The following VTI1A variants were observed in gnomAD, a reference collection of about 807,000 sequenced individuals.
VTI1A encodes the protein vesicle transport through interaction with t-SNAREs homolog 1A.
In VTI1A, 22 loss-of-function variants were observed where a neutral mutation model predicts 34.9. The ratio of observed to expected loss-of-function variants is 0.63; its 90% CI spans 0.45 to 0.90. VTI1A has a LOEUF of 0.90. Among genes scored for constraint, VTI1A ranks in the 40% least tolerant of loss-of-function variants. The pLI is 0.00. For missense variants in VTI1A, 268 were observed against 275.6 expected, an observed-to-expected ratio of 0.97 and a Z score of 0.20; for synonymous variants, 87 against 97.3, an observed-to-expected ratio of 0.89 and a Z score of 0.62.
chr10:112,622,853 T>G (rs1417057550), intron 5 of VTI1A, among the ~76,000 whole-genome samples: 1 of 152,196 alleles, frequency 6.6e-6, no homozygotes, highest in Non-Finnish European at 1.5e-5. Flanking sequence ...GTTACTTAAG[T>G]TTTCAAAATT....
At chr10:112,753,255 A>ATATTATTAT (rs1851167663) in intron 7 of VTI1A, among the ~76,000 whole-genome samples, 1 of 151,080 alleles carries the variant, frequency 6.6e-6, no homozygotes, top group South Asian at 2.1e-4. Flanking sequence ...CAGCCAAGAA[A>ATATTATTAT]CTTTACTCTT....
At chr10:112,604,158 T>C (rs1035447344) in intron 5 of VTI1A, among the ~76,000 whole-genome samples, 3 of 152,216 alleles carry the variant, frequency 2.0e-5, no homozygotes, top group Non-Finnish European at 4.4e-5. Context: ...GTGGGTGCTC[T>C]GGAGCCACAC....
the VTI1A span, among the ~76,000 whole-genome samples, chr10:112,840,604 A>G: frequency 2.0e-5 from 3 of 152,084 alleles, no homozygotes; most frequent in Admixed American, 2.0e-4. Context: ...GTCCCTACCC[A>G]TTGAGACCCC....
chr10:112,852,307 C>A, the VTI1A span, among the ~76,000 whole-genome samples: 1 of 152,206 alleles, frequency 6.6e-6, no homozygotes, highest in African/African-American at 2.4e-5. Flanking sequence ...CTCCCCTTCC[C>A]CCACAAAACT....
At chr10:112,835,434 C>T in the VTI1A span, among the ~76,000 whole-genome samples, 54 of 152,300 alleles carry the variant, frequency 3.5e-4, no homozygotes, top group African/African-American at 1.1e-3. Context: ...TTAAGCCAGC[C>T]CTCTCCCCTG....
chr10:112,785,011 T>G (rs1458071512), intron 7 of VTI1A, among the ~76,000 whole-genome samples: 1 of 152,240 alleles, frequency 6.6e-6, no homozygotes. Flanking sequence ...AAACTCAAGA[T>G]GTAGGCAGAT....
At chr10:112,821,460 G>A (rs932910421), downstream of VTI1A, among the ~76,000 whole-genome samples, 3 of 152,210 alleles carry the variant, frequency 2.0e-5, no homozygotes, top group African/African-American at 7.2e-5. Flanking sequence ...GCCAGGGTAA[G>A]CACCTAAGTT....
chr10:112,795,126 A>T (rs945827068), intron 7 of VTI1A, among the ~76,000 whole-genome samples: 1 of 152,244 alleles, frequency 6.6e-6, no homozygotes, highest in African/African-American at 2.4e-5. Context: ...CTACAGCTAG[A>T]AAGCAAGACA....
intron 2 of VTI1A, 68 bp downstream of exon 2, chr10:112,460,650 C>T: frequency 4.1e-6 from 5 of 1,227,452 alleles, no homozygotes; most frequent in Non-Finnish European, 5.5e-6. Flanking sequence ...TTCCTCTAGC[C>T]TGTTTTATAC....
chr10:112,519,689 C>T (rs1054584992), intron 3 of VTI1A, among the ~76,000 whole-genome samples: 3 of 152,036 alleles, frequency 2.0e-5, no homozygotes, highest in African/African-American at 4.8e-5. Context: ...GGGTTCTGTC[C>T]TTGTTCTGCC....
intron 7 of VTI1A, chr10:112,752,403 T>A (rs1316544592): frequency 1.0e-6 from 1 of 985,418 alleles, no homozygotes; most frequent in Non-Finnish European, 1.2e-6. Flanking sequence ...AGAGCTGATA[T>A]CTCTTTACCG....
At chr10:112,662,376 G>A (rs1260566955) in intron 5 of VTI1A, among the ~76,000 whole-genome samples, 2 of 151,814 alleles carry the variant, frequency 1.3e-5, no homozygotes, top group Non-Finnish European at 2.9e-5. Context: ...CTTCAGTTTG[G>A]ATAATTTCTA....
intron 3 of VTI1A, among the ~76,000 whole-genome samples, chr10:112,498,914 A>G (rs892105473): frequency 1.3e-5 from 2 of 152,142 alleles, no homozygotes; most frequent in Non-Finnish European, 2.9e-5. Context: ...TTCTATTTTC[A>G]CCACTGGGAC....
At chr10:112,786,578 T>C (rs1852295628) in intron 7 of VTI1A, among the ~76,000 whole-genome samples, 1 of 152,226 alleles carries the variant, frequency 6.6e-6, no homozygotes, top group Non-Finnish European at 1.5e-5. Context: ...TGTAAATTTT[T>C]CATAGATGCT....
At chr10:112,554,281 T>A (rs146236701) in intron 5 of VTI1A, among the ~76,000 whole-genome samples, 28 of 152,344 alleles carry the variant, frequency 1.8e-4, no homozygotes, top group Non-Finnish European at 3.7e-4. Flanking sequence ...CACTGCAGAC[T>A]GTCACAGCCC....
intron 5 of VTI1A, among the ~76,000 whole-genome samples, chr10:112,602,014 G>A (rs1244548553): frequency 6.6e-6 from 1 of 152,156 alleles, no homozygotes; most frequent in African/African-American, 2.4e-5. Context: ...TGCTGGGGTT[G>A]ATGGCCATTA....
intron 7 of VTI1A, among the ~76,000 whole-genome samples, chr10:112,775,023 A>C (rs1851921241): frequency 6.6e-6 from 1 of 152,190 alleles, no homozygotes; most frequent in African/African-American, 2.4e-5. Flanking sequence ...TGGCTGCCTC[A>C]GTGCCTTGTC....
At chr10:112,822,543 A>C (rs1853672370), downstream of VTI1A, among the ~76,000 whole-genome samples, 1 of 152,202 alleles carries the variant, frequency 6.6e-6, no homozygotes, top group African/African-American at 2.4e-5. Flanking sequence ...GGAAGGACCC[A>C]AAAGGGATTC....
intron 5 of VTI1A, among the ~76,000 whole-genome samples, chr10:112,616,210 CA>C (rs1845507893): frequency 6.6e-6 from 1 of 152,076 alleles, no homozygotes; most frequent in Non-Finnish European, 1.5e-5. Context: ...CAAGAAAGCC[CA>C]AGATGTTCAG....
Sources: gnomAD v4.1 joint callset for allele counts (sites outside exome capture counted in the v4.1 genomes callset) on GRCh38, gnomAD v4.1.1 for gene constraint, MANE v1.5 for transcripts, NCBI Gene and HGNC (gene_info 2026-07-23, HGNC 2026-07-21) for gene names.